ERP44: variants seen among roughly 807,000 people sequenced by gnomAD.
ERP44 encodes endoplasmic reticulum protein 44, also known as endoplasmic reticulum resident protein 44.
Under a neutral mutation model 53.4 loss-of-function variants are expected in ERP44, and 25 were observed. The observed-to-expected ratio is 0.47, with a 90% CI of 0.34 to 0.65. The LOEUF (loss-of-function observed/expected upper bound fraction) is 0.65, where lower values mean the gene tolerates loss of function less well. Among genes scored for constraint, ERP44 ranks in the 30% least tolerant of loss-of-function variants. The pLI is 0.01. For synonymous variants in ERP44, 145 were observed against 161.2 expected (o/e 0.90, Z 0.76); for missense variants, 338 against 493.2 (o/e 0.69, Z 2.98).
At chr9:100,064,067 A>G (rs979328768) in intron 1 of ERP44, among the ~76,000 whole-genome samples, 2 of 152,234 alleles carry the variant, frequency 1.3e-5, no homozygotes, top group African/African-American at 2.4e-5. Context: ...TTAAAAATTT[A>G]TATCTCTCCC....
At chr9:100,086,530 A>G (rs978058184) in intron 1 of ERP44, among the ~76,000 whole-genome samples, 15 of 152,226 alleles carry the variant, frequency 9.9e-5, no homozygotes, top group Non-Finnish European at 2.1e-4. Flanking sequence ...TTCCTTCTCT[A>G]CTATTACTTT....
chr9:100,020,721 C>A lies in ERP44; in HGVS notation c.482G>T (p.Arg161Ile), dbSNP rs752325297. Residue 161 changes from arginine to isoleucine, a missense_variant, in exon 6 of 12, where the codon AGA becomes ATA. This residue lies in a region of ERP44 where 224 missense variants were observed against 301.4 expected (regional missense o/e 0.74). Transcript: ENST00000262455. ...TTGCTCAAAATATCCAATGATATTT[C>A]TTTTGCTGCGCTGTAAAATAAAGTA... ...AEITTLDRSK[R>I]NIIGYFEQKD... 6 of 1,562,224 alleles carry A rather than the reference C, an allele frequency of 3.8e-6. No individual in the cohort carries two copies. In the East Asian group the frequency reaches 9.0e-5, roughly 23 times the overall value.
chr9:99,993,491 C>A (rs949674761), intron 10 of ERP44, among the ~76,000 whole-genome samples: 1 of 152,190 alleles, frequency 6.6e-6, no homozygotes, highest in Non-Finnish European at 1.5e-5. Context: ...CCCTTCCTTA[C>A]ACCATATACA....
At chr9:100,073,089 T>C (rs554479203) in intron 1 of ERP44, among the ~76,000 whole-genome samples, 46 of 152,324 alleles carry the variant, frequency 3.0e-4, no homozygotes, top group African/African-American at 1.1e-3. Context: ...TAAGTGGTGA[T>C]TTGGATCTGG....
At chr9:100,024,010 C>T (rs1830624700) in intron 4 of ERP44, among the ~76,000 whole-genome samples, 1 of 152,014 alleles carries the variant, frequency 6.6e-6, no homozygotes, top group South Asian at 2.1e-4. Context: ...CAAAAATTAA[C>T]CAGGCATGGT....
chr9:100,031,772 CAG>C (rs1055309734), intron 4 of ERP44, among the ~76,000 whole-genome samples: 2 of 152,062 alleles, frequency 1.3e-5, no homozygotes, highest in Non-Finnish European at 2.9e-5. Flanking sequence ...CTGGGAAAAA[CAG>C]AGGAGGCACG....
chr9:100,057,821 A>G lies in ERP44; in HGVS notation c.169T>C (p.Trp57Arg). ...AACCCAAACAATAAGATTACTTACC[A>G]GTCAGCATAAAAATTTACTAAAGCA... ...DVALVNFYADWCRFSQMLHPI... is the reference protein window; with the variant it reads ...DVALVNFYADRCRFSQMLHPI... Residue 57 changes from tryptophan (W) to arginine (R), a missense_variant and splice_region_variant, in exon 3 of 12, where the codon TGG (tryptophan) becomes CGG (arginine). Transcript: ENST00000262455. 1 of 1,605,198 alleles carries G rather than the reference A, an allele frequency of 6.2e-7. No individual in the cohort carries two copies. The highest frequency in any genetic ancestry group is 8.5e-7 in the Non-Finnish European group (1 of 1,174,936).
chr9:100,091,487 T>G (rs2118761504), intron 1 of ERP44, among the ~76,000 whole-genome samples: 1 of 152,374 alleles, frequency 6.6e-6, no homozygotes, highest in East Asian at 1.9e-4. Context: ...CCAGCTTCTT[T>G]AGGGCCAATT....
At chr9:99,998,518 C>T in intron 10 of ERP44, 2 of 718,332 alleles carry the variant, frequency 2.8e-6, no homozygotes, top group Admixed American at 2.0e-5. Flanking sequence ...TGTCCCGGCT[C>T]CCCCATCTCT....
intron 1 of ERP44, among the ~76,000 whole-genome samples, chr9:100,098,240 T>A (rs983617148): frequency 1.3e-5 from 2 of 152,192 alleles, no homozygotes; most frequent in African/African-American, 4.8e-5. Context: ...AACCACACCT[T>A]CCACCCTTCA....
rs369823612 is a variant in ERP44 at position 100,066,773 on chromosome 9, T to G, written c.58-6601A>C. On this transcript the variant is annotated intron_variant, in intron 1 of 11. Transcript: ENST00000262455. ...ATTAAGCTCGCAGATAAGAGAAGTA[T>G]AAAGGTTTCCAGTTGGCTTCAAGGA... is the stretch of plus-strand genomic sequence containing the variant. 7.9e-5 allele frequency among the ~76,000 whole-genome samples: 12 copies of G among 152,308 alleles called. No homozygotes were observed. In the East Asian group the frequency reaches 1.9e-3, roughly 24 times the overall value.
chr9:100,098,935 C>CGGCAGCGGAGGATTCTCCA lies in ERP44; in HGVS notation c.-114_-96dup. ...GAAAGGGCTGGGCTCCGGGAGCCGA[C>CGGCAGCGGAGGATTCTCCA]GGCAGCGGAGGATTCTCCAGGCAGC... On this transcript the variant is annotated 5_prime_UTR_variant, in exon 1 of 12. Transcript: ENST00000262455. 2.1e-6 allele frequency: 2 copies of CGGCAGCGGAGGATTCTCCA among 971,052 alleles called. No homozygotes were observed. The highest frequency in any genetic ancestry group is 1.4e-5 in the South Asian group (1 of 71,100). The allele number at this position is 971,052 out of a possible 1,614,324, so 60.2% of individuals were successfully genotyped here.
chr9:100,004,031 G>A (rs1830404355), intron 10 of ERP44, among the ~76,000 whole-genome samples: 1 of 152,194 alleles, frequency 6.6e-6, no homozygotes, highest in Non-Finnish European at 1.5e-5. Flanking sequence ...TGTCTGGAGT[G>A]TAGGATCATG....
At chr9:100,023,699 A>C (rs375985329) in intron 4 of ERP44, among the ~76,000 whole-genome samples, 19 of 152,236 alleles carry the variant, frequency 1.2e-4, no homozygotes, top group African/African-American at 4.6e-4. Flanking sequence ...CTCCCGCCTC[A>C]GCCTCCCAAA....
At chr9:100,095,337 G>A (rs976120923) in intron 1 of ERP44, among the ~76,000 whole-genome samples, 2 of 152,134 alleles carry the variant, frequency 1.3e-5, no homozygotes, top group African/African-American at 2.4e-5. Flanking sequence ...TAAGGAAAAT[G>A]ATGAGATGGA....
intron 1 of ERP44, among the ~76,000 whole-genome samples, chr9:100,096,012 C>T (rs372540329): frequency 2.0e-5 from 3 of 152,080 alleles, no homozygotes; most frequent in East Asian, 3.8e-4. Context: ...ACAACAATGG[C>T]AAAACCCTTA....
chr9:100,084,833 G>C (rs1196811335), intron 1 of ERP44, among the ~76,000 whole-genome samples: 2 of 152,164 alleles, frequency 1.3e-5, no homozygotes, highest in Non-Finnish European at 2.9e-5. Flanking sequence ...TTAGAAGTAA[G>C]AGCTAAAGAT....
rs1830150366 is a variant in ERP44 at position 99,981,695 on chromosome 9, A to G, written c.*917T>C. 6.6e-6 allele frequency: 1 copy of G among 152,338 alleles called. No individual in the cohort carries two copies. The highest frequency in any genetic ancestry group is 2.1e-4 in the South Asian group (1 of 4,818). 9.4% of individuals were successfully genotyped at this position (152,338 alleles called of 1,614,324 possible). A position where few individuals can be genotyped will look rare whatever the true frequency, so the allele number is the denominator to read the frequency against. On this transcript the variant is annotated 3_prime_UTR_variant, in exon 12 of 12. Transcript: ENST00000262455. ...ACCATTTTATAATGAAAAAAAGTTAAATATGTTCCTTATTCTGTGTTTTTG... is the reference window on the plus strand; with the variant it reads ...ACCATTTTATAATGAAAAAAAGTTAGATATGTTCCTTATTCTGTGTTTTTG...
At chr9:100,070,369 T>C (rs536882134) in intron 1 of ERP44, among the ~76,000 whole-genome samples, 2 of 152,336 alleles carry the variant, frequency 1.3e-5, no homozygotes, top group East Asian at 1.9e-4. Context: ...ACATTAAAAA[T>C]AAAAGAGAGA....
Sources: allele counts gnomAD v4.1 joint callset (sites outside exome capture counted in the v4.1 genomes callset), GRCh38; gene constraint gnomAD v4.1.1; regional missense constraint gnomAD v4.1.1; transcripts MANE v1.5; gene names NCBI Gene and HGNC (gene_info 2026-07-23, HGNC 2026-07-21).